The following MYLK variants were observed in gnomAD, a reference collection of about 807,000 sequenced individuals.
The protein encoded by MYLK is myosin light chain kinase, also known as myosin light chain kinase, smooth muscle.
MYLK carries 106 observed loss-of-function variants against 203.4 expected under a neutral mutation model. That is an observed-to-expected ratio of 0.52 (90% CI 0.45 to 0.61). The LOEUF is 0.61. Among genes scored for constraint, MYLK ranks in the 20% least tolerant of loss-of-function variants. The probability of loss-of-function intolerance (pLI) is 0.00; values close to 1 mark genes in which losing one functional copy is unlikely to be tolerated. For missense variants in MYLK, 2,072 were observed against 2,442.3 expected (o/e 0.85, Z 3.20); for synonymous variants, 867 against 959.5 (o/e 0.90, Z 1.78).
chr3:123,756,065 T>A (rs1051146771), intron 4 of MYLK, among the ~76,000 whole-genome samples: 6 of 152,154 alleles, frequency 3.9e-5, no homozygotes, highest in Non-Finnish European at 8.8e-5. Context: ...AAAAGAGGCC[T>A]GGAGAAGTAG....
chr3:123,769,160 G>C (rs986687112), intron 4 of MYLK, among the ~76,000 whole-genome samples: 35 of 152,186 alleles, frequency 2.3e-4, no homozygotes, highest in African/African-American at 8.0e-4. Context: ...CGAAGCACAG[G>C]ACCATATTTT....
chr3:123,825,989 G>C (rs995966418), intron 3 of MYLK, among the ~76,000 whole-genome samples: 1 of 152,226 alleles, frequency 6.6e-6, no homozygotes, highest in Non-Finnish European at 1.5e-5. Flanking sequence ...CTCAGGACCT[G>C]AGAAACAGCT....
At chr3:123,663,212 G>A (rs1485392807) in intron 23 of MYLK, among the ~76,000 whole-genome samples, 2 of 152,210 alleles carry the variant, frequency 1.3e-5, no homozygotes, top group Non-Finnish European at 2.9e-5. Flanking sequence ...CCAGGAGAGA[G>A]CTGACCAGGG....
chr3:123,720,718 G>A (rs2062058276), intron 13 of MYLK, among the ~76,000 whole-genome samples: 1 of 152,224 alleles, frequency 6.6e-6, no homozygotes, highest in Non-Finnish European at 1.5e-5. Context: ...GCTGGGCTCT[G>A]AACCCAGTGT....
intron 13 of MYLK, among the ~76,000 whole-genome samples, chr3:123,718,162 C>G (rs972799139): frequency 4.6e-5 from 7 of 152,028 alleles, no homozygotes; most frequent in African/African-American, 1.7e-4. Flanking sequence ...GTGCCTAGCC[C>G]TGTTGAGGGA....
chr3:123,661,578 C>T (rs544349298), intron 23 of MYLK, among the ~76,000 whole-genome samples: 7 of 152,214 alleles, frequency 4.6e-5, no homozygotes, highest in South Asian at 4.1e-4. Context: ...CAGTCTTCCC[C>T]GATCTGAAAC....
At chr3:123,667,076 A>G in intron 21 of MYLK, 61 bp downstream of exon 21, 2 of 1,521,532 alleles carry the variant, frequency 1.3e-6, no homozygotes, top group Admixed American at 3.3e-5. Flanking sequence ...CTAGCAAGGT[A>G]AAGGCAAAAC....
intron 1 of MYLK, among the ~76,000 whole-genome samples, chr3:123,881,012 GA>G (rs2033501042): frequency 6.6e-6 from 1 of 152,204 alleles, no homozygotes; most frequent in Non-Finnish European, 1.5e-5. Context: ...CAAACGAATG[GA>G]AAAGTGTGCA....
chr3:123,614,279 T>C lies in MYLK; in HGVS notation c.5571A>G (p.Ile1857Met). 6.2e-7 allele frequency: 1 copy of C among 1,614,182 alleles called. No individual in the cohort carries two copies. Among genetic ancestry groups the C allele is most frequent in the Non-Finnish European group, 8.5e-7 (1 of 1,180,030 alleles). The change falls in exon 34 of 34, where the codon ATA becomes ATG. Residue 1857 changes from isoleucine to methionine, a missense_variant. Ile to Met is a conservative substitution (Grantham distance 10, BLOSUM62 1). Coordinates refer to ENST00000360304, the MANE Select transcript of MYLK (RefSeq NM_053025.4). Reference protein sequence around the residue: ...QSIRESRHFQIDYDEDGNCSL... With the variant: ...QSIRESRHFQMDYDEDGNCSL... ...AGCAGTTCCCGTCCTCATCGTAGTC[T>C]ATCTGGAAGTGGCGGGACTCCCTGA...
chr3:123,663,729 C>A (rs546078236), intron 23 of MYLK, among the ~76,000 whole-genome samples: 1 of 152,104 alleles, frequency 6.6e-6, no homozygotes, highest in African/African-American at 2.4e-5. Context: ...AGGATGGGGA[C>A]AGATACAGAC....
At chr3:123,805,033 C>A (rs2065320606) in intron 3 of MYLK, among the ~76,000 whole-genome samples, 1 of 152,146 alleles carries the variant, frequency 6.6e-6, no homozygotes, top group Non-Finnish European at 1.5e-5. Flanking sequence ...AGACTGTCAC[C>A]AGCCCCAGCT....
intron 27 of MYLK, among the ~76,000 whole-genome samples, chr3:123,643,547 G>A (rs2058907831): frequency 6.6e-6 from 1 of 152,332 alleles, no homozygotes; most frequent in South Asian, 2.1e-4. Flanking sequence ...TAAAGAGGCA[G>A]GATTAATGGT....
chr3:123,667,033 G>A, intron 21 of MYLK, 104 bp downstream of exon 21: 1 of 1,051,708 alleles, frequency 9.5e-7, no homozygotes, highest in Non-Finnish European at 1.5e-6. Flanking sequence ...TTGCAGTGGG[G>A]TGTCTCCTGG....
At chr3:123,744,814 A>G (rs1038670662) in intron 5 of MYLK, among the ~76,000 whole-genome samples, 21 of 152,158 alleles carry the variant, frequency 1.4e-4, no homozygotes, top group African/African-American at 5.1e-4. Flanking sequence ...CTGTTCCCCA[A>G]AGTTTTAAAA....
chr3:123,619,058 C>G (rs1227850670), intron 32 of MYLK, among the ~76,000 whole-genome samples: 1 of 152,220 alleles, frequency 6.6e-6, no homozygotes, highest in African/African-American at 2.4e-5. Context: ...TTTCTGGCTG[C>G]ATTTCATGCT....
intron 16 of MYLK, 148 bp downstream of exon 16, chr3:123,707,606 G>C (rs935334806): frequency 2.5e-6 from 3 of 1,222,354 alleles, no homozygotes; most frequent in African/African-American, 3.0e-5. Context: ...GCAAAAGCTT[G>C]TGAGCAGCAC....
chr3:123,760,993 A>G (rs2063516553), intron 4 of MYLK, among the ~76,000 whole-genome samples: 1 of 152,212 alleles, frequency 6.6e-6, no homozygotes, highest in African/African-American at 2.4e-5. Context: ...TGACTAATGC[A>G]GCCCTGGAAT....
chr3:123,786,769 A>G (rs1456226057), intron 4 of MYLK, among the ~76,000 whole-genome samples: 1 of 152,102 alleles, frequency 6.6e-6, no homozygotes, highest in East Asian at 1.9e-4. Context: ...CCATAAATAT[A>G]TATTTCCTAC....
chr3:123,876,325 T>C (rs1219010029), intron 2 of MYLK, among the ~76,000 whole-genome samples: 1 of 152,180 alleles, frequency 6.6e-6, no homozygotes, highest in Non-Finnish European at 1.5e-5. Flanking sequence ...TGATAGATTA[T>C]ATCAGTTATC....
Sources: gnomAD v4.1 joint callset for allele counts (sites outside exome capture counted in the v4.1 genomes callset) on GRCh38, gnomAD v4.1.1 for gene constraint, MANE v1.5 for transcripts, NCBI Gene and HGNC (gene_info 2026-07-23, HGNC 2026-07-21) for gene names.